The following ANKFY1 variants were observed in gnomAD, a reference collection of about 807,000 sequenced individuals.
ANKFY1 encodes ankyrin repeat and FYVE domain-containing protein 1.
ANKFY1 carries 47 observed loss-of-function variants against 128.3 expected under a neutral mutation model. That is an observed-to-expected ratio of 0.37 (90% CI 0.29 to 0.47). The LOEUF is 0.47. Among genes scored for constraint, ANKFY1 ranks in the 20% least tolerant of loss-of-function variants. The pLI, the probability that ANKFY1 is intolerant of heterozygous loss-of-function variation, is 1.00. For synonymous variants in ANKFY1, 553 were observed against 601.6 expected, an observed-to-expected ratio of 0.92 and a Z score of 1.18; for missense variants, 1,222 against 1,510.6, an observed-to-expected ratio of 0.81 and a Z score of 3.17.
In ANKFY1 at chr17:4,178,695, G is replaced by A; in HGVS notation, c.2598+162C>T. Reference sequence around the variant, plus strand: ...AGGCAGAGGAGCCGGATCTCATCCTGCACGGATGGGACATCTCAACAGCCA... The same window carrying A: ...AGGCAGAGGAGCCGGATCTCATCCTACACGGATGGGACATCTCAACAGCCA... On this transcript the variant is annotated intron_variant, in intron 18 of 24. Transcript: ENST00000341657. This position sits in a 1 kb window ranked among gnomAD's most constrained non-coding sequence, Gnocchi z 4.1. 4.2e-6 allele frequency: 3 copies of A among 711,598 alleles called. No individual in the cohort carries two copies. The highest frequency in any genetic ancestry group is 7.1e-6 in the Non-Finnish European group (3 of 420,996). The allele number at this position is 711,598 out of a possible 1,614,324, so 44.1% of individuals were successfully genotyped here.
intron 21 of ANKFY1, 146 bp downstream of exon 21, chr17:4,173,208 A>G: frequency 1.5e-6 from 1 of 682,218 alleles, no homozygotes. Context: ...TACCAAAAGT[A>G]CCAAAATAAA....
At chr17:4,233,744 C>A (rs1234877649) in intron 3 of ANKFY1, among the ~76,000 whole-genome samples, 2 of 152,212 alleles carry the variant, frequency 1.3e-5, no homozygotes, top group Non-Finnish European at 2.9e-5. Context: ...GTATTTACAG[C>A]CCTGGTCTGA....
chr17:4,208,954 G>C (rs2060075471), intron 5 of ANKFY1, among the ~76,000 whole-genome samples: 1 of 152,092 alleles, frequency 6.6e-6, no homozygotes, highest in South Asian at 2.1e-4. Context: ...AGCTACTCAG[G>C]AGGCCAAGGC....
intron 7 of ANKFY1, among the ~76,000 whole-genome samples, chr17:4,198,036 C>T (rs1034984694): frequency 4.6e-5 from 7 of 151,594 alleles, no homozygotes; most frequent in South Asian, 4.2e-4. Flanking sequence ...GGCTGAGGCA[C>T]GAGATTCGCT....
intron 1 of ANKFY1, among the ~76,000 whole-genome samples, chr17:4,255,673 T>C (rs975233149): frequency 6.6e-6 from 1 of 152,202 alleles, no homozygotes; most frequent in Non-Finnish European, 1.5e-5. Context: ...ACTACAAGAA[T>C]AATTTTTTGT....
chr17:4,250,798 C>A (rs1374137754), intron 1 of ANKFY1, among the ~76,000 whole-genome samples: 2 of 152,178 alleles, frequency 1.3e-5, no homozygotes, highest in African/African-American at 4.8e-5. Flanking sequence ...AGCACCACCA[C>A]ATCTGGCCAA....
chr17:4,182,935 G>A (rs946382487), intron 14 of ANKFY1, among the ~76,000 whole-genome samples: 6 of 152,148 alleles, frequency 3.9e-5, no homozygotes, highest in Admixed American at 2.0e-4. Flanking sequence ...GTGAAACCCC[G>A]TCTCTACTAA....
intron 24 of ANKFY1, chr17:4,168,114 T>C: frequency 2.1e-6 from 1 of 485,854 alleles, no homozygotes; most frequent in Non-Finnish European, 3.6e-6. Flanking sequence ...ATCATCAAGT[T>C]AAAGCAATAC....
intron 4 of ANKFY1, chr17:4,216,386 G>A (rs964077801): frequency 6.2e-6 from 1 of 161,816 alleles, no homozygotes; most frequent in East Asian, 1.7e-4. Flanking sequence ...CGGACATCTC[G>A]TCTGACATTA....
intron 11 of ANKFY1, chr17:4,187,275 A>G: frequency 2.5e-6 from 1 of 398,736 alleles, no homozygotes. Flanking sequence ...TGATTCTGCA[A>G]TTCCTGTGAA....
At position 4,169,039 on chromosome 17, in the gene ANKFY1, A is replaced by C; in HGVS notation, c.3377+159T>G. On this transcript the variant is annotated intron_variant, in intron 24 of 24. Transcript: ENST00000341657. The surrounding 1 kb of genome is among the most constrained non-coding windows in gnomAD (Gnocchi z 5.0). ...CTTCCCTACATCTCTGTTCCTCAGT[A>C]GGATCCTTGGGTGTGCTCATCTCAT... The C allele has an allele frequency of 3.2e-6, 2 of 617,204 alleles. No homozygotes were observed. Among genetic ancestry groups the C allele is most frequent in the Non-Finnish European group, 5.8e-6 (2 of 346,730 alleles). 38.2% of individuals were successfully genotyped at this position (617,204 alleles called of 1,614,324 possible). A position where few individuals can be genotyped will look rare whatever the true frequency, so the allele number is the denominator to read the frequency against.
rs1171736927 is a variant in ANKFY1, at chr17:4,164,025, C to G, written c.*3754G>C. 1 of 152,662 alleles carries G rather than the reference C, an allele frequency of 6.6e-6. No individual in the cohort carries two copies. The highest frequency in any genetic ancestry group is 1.9e-4 in the East Asian group (1 of 5,200). 9.5% of individuals were successfully genotyped at this position (152,662 alleles called of 1,614,324 possible). ...AACAATGCTGATAAGCGCCGTGGTC[C>G]TCTATGATACCATCACCCCACACTG... On this transcript the variant is annotated 3_prime_UTR_variant, in exon 25 of 25. Transcript: ENST00000341657.
intron 1 of ANKFY1, among the ~76,000 whole-genome samples, chr17:4,256,720 G>T (rs1968151119): frequency 6.6e-6 from 1 of 152,172 alleles, no homozygotes; most frequent in Non-Finnish European, 1.5e-5. Context: ...TCCCCTCTCT[G>T]TTCTGCAAGT....
At chr17:4,192,828 C>G (rs887918324) in intron 10 of ANKFY1, among the ~76,000 whole-genome samples, 1 of 152,050 alleles carries the variant, frequency 6.6e-6, no homozygotes, top group Non-Finnish European at 1.5e-5. Flanking sequence ...TTTCTTTGTT[C>G]CTTCTTCACT....
At chr17:4,210,285 C>T (rs1307349214) in intron 4 of ANKFY1, among the ~76,000 whole-genome samples, 1 of 152,198 alleles carries the variant, frequency 6.6e-6, no homozygotes, top group Non-Finnish European at 1.5e-5. Flanking sequence ...AATGGATCAA[C>T]CTCTGTCCTT....
In ANKFY1 at chr17:4,182,352, G is replaced by C; in HGVS notation, c.1953-3C>G. The C allele has an allele frequency of 6.4e-7, 1 of 1,551,738 alleles. No homozygotes were observed. Among genetic ancestry groups the C allele is most frequent in the Non-Finnish European group, 8.8e-7 (1 of 1,142,808 alleles). ...GGGCTGTCTCCCCGTCCTGAGTCCT[G>C]CTAGGACATGCACACCCAAACCAAC... is the stretch of plus-strand genomic sequence containing the variant. On this transcript the variant is annotated splice_polypyrimidine_tract_variant and splice_region_variant and intron_variant, in intron 14 of 24. Transcript: ENST00000341657.
intron 22 of ANKFY1, among the ~76,000 whole-genome samples, 163 bp from the exon 23 acceptor site, chr17:4,171,024 G>A (rs937196604): frequency 6.6e-6 from 1 of 152,258 alleles, no homozygotes; most frequent in African/African-American, 2.4e-5. Flanking sequence ...GGAGAGAACT[G>A]TGGACAACCT....
chr17:4,247,591 T>C (rs1457032905), intron 1 of ANKFY1, among the ~76,000 whole-genome samples: 2 of 152,224 alleles, frequency 1.3e-5, no homozygotes, highest in Non-Finnish European at 2.9e-5. Context: ...GGAGGAGTGC[T>C]TATGGCTGAG....
chr17:4,241,752 C>T (rs1967236335), intron 2 of ANKFY1, among the ~76,000 whole-genome samples: 1 of 152,068 alleles, frequency 6.6e-6, no homozygotes. Context: ...ATCACCATGA[C>T]TCCCGCACTC....
Sources: gnomAD v4.1 joint callset for allele counts (sites outside exome capture counted in the v4.1 genomes callset) on GRCh38, gnomAD v4.1.1 for gene constraint, Gnocchi (gnomAD v3.1) non-coding constraint, MANE v1.5 for transcripts, NCBI Gene and HGNC (gene_info 2026-07-23, HGNC 2026-07-21) for gene names.